Variants in SMYD3 observed in about 807,000 individuals in gnomAD.
SMYD3 encodes the protein SET and MYND domain containing 3, also known as histone-lysine N-methyltransferase SMYD3.
SMYD3 carries 36 observed loss-of-function variants against 57.7 expected under a neutral mutation model. That is an observed-to-expected ratio of 0.62 (90% CI 0.48 to 0.82). SMYD3 has a LOEUF of 0.82. SMYD3 is among the 40% of genes least tolerant of loss of function. The probability of loss-of-function intolerance (pLI) is 0.00; values close to 1 mark genes in which losing one functional copy is unlikely to be tolerated. For missense variants in SMYD3, 515 were observed against 538.8 expected, an observed-to-expected ratio of 0.96 and a Z score of 0.44; for synonymous variants, 211 against 195.0, an observed-to-expected ratio of 1.08 and a Z score of -0.68.
chr1:246,495,895 G>A (rs1259431421), intron 1 of SMYD3, among the ~76,000 whole-genome samples: 1 of 151,904 alleles, frequency 6.6e-6, no homozygotes, highest in African/African-American at 2.4e-5. Context: ...AACCTGGGAG[G>A]CGAAGGCTGC....
rs1222507427 is a variant in SMYD3, at chr1:246,380,652, GT to G, written c.165-25559del. Among the ~76,000 whole-genome samples the G allele has an allele frequency of 2.0e-5, 3 of 152,344 alleles. No homozygotes were observed. In the East Asian group the frequency reaches 5.8e-4, roughly 29 times the overall value. ...TGGATATATAAGGATCAATAAGACA[GT>G]TCCTATTTTCAAGGACTGTTGATGC... On this transcript the variant is annotated intron_variant, in intron 1 of 11. Transcript: ENST00000490107.
chr1:245,922,609 A>ATTTTTTT (rs33954209), intron 7 of SMYD3, among the ~76,000 whole-genome samples: 1 of 150,530 alleles, frequency 6.6e-6, no homozygotes, highest in Non-Finnish European at 1.5e-5. Context: ...CTAATGTCAT[A>ATTTTTTT]TTTTTTTTTT....
At chr1:245,929,412 G>A (rs764028260) in intron 6 of SMYD3, among the ~76,000 whole-genome samples, 1 of 152,254 alleles carries the variant, frequency 6.6e-6, no homozygotes, top group African/African-American at 2.4e-5. Context: ...GCTGGAGAGA[G>A]CATTCAGGGG....
chr1:245,929,286 A>G (rs56818884), intron 6 of SMYD3, among the ~76,000 whole-genome samples: 1 of 152,246 alleles, frequency 6.6e-6, no homozygotes, highest in Non-Finnish European at 1.5e-5. Context: ...ATTATTAGAA[A>G]GTCTAAATTT....
At chr1:246,086,016 T>C (rs921768462) in intron 5 of SMYD3, among the ~76,000 whole-genome samples, 5 of 151,426 alleles carry the variant, frequency 3.3e-5, no homozygotes, top group Non-Finnish European at 5.9e-5. Flanking sequence ...GCTTGAACAA[T>C]GTACAAGAAT....
intron 8 of SMYD3, among the ~76,000 whole-genome samples, chr1:245,871,500 G>A (rs190941756): frequency 2.6e-5 from 4 of 152,314 alleles, no homozygotes; most frequent in African/African-American, 9.6e-5. Flanking sequence ...ATAGGCTGGG[G>A]AATAAGGAAA....
chr1:246,108,744 C>T (rs1048008483), intron 5 of SMYD3: 1 of 152,250 alleles, frequency 6.6e-6, no homozygotes, highest in Non-Finnish European at 1.5e-5. Flanking sequence ...TAGCCCAGCT[C>T]AGTCCAGCTA....
chr1:246,420,592 GA>G (rs371710117), intron 1 of SMYD3, among the ~76,000 whole-genome samples: 20 of 152,328 alleles, frequency 1.3e-4, no homozygotes, highest in South Asian at 1.0e-3. Flanking sequence ...AATGGACAGA[GA>G]AGATAGTCTT....
At chr1:245,797,828 CAAAAAAAAA>C (rs559088835) in intron 10 of SMYD3, among the ~76,000 whole-genome samples, 3 of 109,434 alleles carry the variant, frequency 2.7e-5, no homozygotes, top group East Asian at 3.5e-4. Flanking sequence ...TTCCGGGTTC[CAAAAAAAAA>C]AAAAAAAAAA....
At chr1:246,108,403 A>C (rs1353737268) in intron 5 of SMYD3, among the ~76,000 whole-genome samples, 1 of 152,188 alleles carries the variant, frequency 6.6e-6, no homozygotes, top group African/African-American at 2.4e-5. Context: ...AATCTCAGCA[A>C]AGAGATCACA....
At chr1:245,984,609 G>A (rs2058667096) in intron 5 of SMYD3, among the ~76,000 whole-genome samples, 1 of 152,196 alleles carries the variant, frequency 6.6e-6, no homozygotes, top group Admixed American at 6.5e-5. Context: ...GTAATCTGAA[G>A]TAAGGACTGG....
intron 5 of SMYD3, among the ~76,000 whole-genome samples, chr1:246,170,573 G>A (rs1317543923): frequency 6.6e-6 from 1 of 151,732 alleles, no homozygotes; most frequent in Non-Finnish European, 1.5e-5. Context: ...TTCTAAATTT[G>A]CTTGTCTCAA....
At chr1:245,951,376 T>G (rs1292199441) in intron 5 of SMYD3, among the ~76,000 whole-genome samples, 2 of 140,938 alleles carry the variant, frequency 1.4e-5, no homozygotes, top group African/African-American at 5.7e-5. Flanking sequence ...GAGACCATCC[T>G]GGCTAACACG....
intron 5 of SMYD3, among the ~76,000 whole-genome samples, chr1:246,121,978 T>C (rs957923622): frequency 5.3e-5 from 8 of 151,818 alleles, no homozygotes; most frequent in Non-Finnish European, 1.2e-4. Context: ...TATTCAAAAA[T>C]AGTTCAATTT....
At chr1:246,255,981 GATAGATAC>G (rs1330897455) in intron 5 of SMYD3, among the ~76,000 whole-genome samples, 6 of 145,628 alleles carry the variant, frequency 4.1e-5, no homozygotes, top group Non-Finnish European at 6.1e-5. Context: ...TAGATAGATA[GATAGATAC>G]ACACACACAT....
chr1:246,123,066 G>C (rs548406650), intron 5 of SMYD3, among the ~76,000 whole-genome samples: 4 of 152,246 alleles, frequency 2.6e-5, no homozygotes. Flanking sequence ...CCTTTACAAT[G>C]TACTATCCTC....
intron 10 of SMYD3, among the ~76,000 whole-genome samples, chr1:245,794,198 C>T (rs182644580): frequency 1.1e-4 from 16 of 152,338 alleles, no homozygotes; most frequent in African/African-American, 3.8e-4. Flanking sequence ...AATTTCTATA[C>T]TCAACACTGT....
chr1:246,452,104 A>C (rs1184659648), intron 1 of SMYD3, among the ~76,000 whole-genome samples: 1 of 152,198 alleles, frequency 6.6e-6, no homozygotes, highest in Non-Finnish European at 1.5e-5. Context: ...AGATCACTAA[A>C]CCTAAACTTT....
chr1:246,073,686 C>T (rs2060496629), intron 5 of SMYD3, among the ~76,000 whole-genome samples: 1 of 152,166 alleles, frequency 6.6e-6, no homozygotes, highest in Non-Finnish European at 1.5e-5. Flanking sequence ...CACGGTACTC[C>T]AGCCTAGGTG....
Sources: allele counts gnomAD v4.1 joint callset (sites outside exome capture counted in the v4.1 genomes callset), GRCh38; gene constraint gnomAD v4.1.1; transcripts MANE v1.5; gene names NCBI Gene and HGNC (gene_info 2026-07-23, HGNC 2026-07-21).